The following FAF1 variants were observed in gnomAD, a reference collection of about 807,000 sequenced individuals.
FAF1 encodes the protein Fas associated factor 1.
FAF1 carries 25 observed loss-of-function variants against 92.5 expected under a neutral mutation model. The ratio of observed to expected loss-of-function variants is 0.27; its 90% CI spans 0.20 to 0.38. The LOEUF (loss-of-function observed/expected upper bound fraction) is 0.38, where lower values mean the gene tolerates loss of function less well. Among genes scored for constraint, FAF1 ranks in the 10% least tolerant of loss-of-function variants. FAF1 has a pLI of 1.00. For synonymous variants in FAF1, 234 were observed against 273.2 expected (o/e 0.86, Z 1.42); for missense variants, 636 against 793.3 (o/e 0.80, Z 2.38).
Position 50,491,196 on chromosome 1 carries a change from C to T in FAF1, c.1575+525G>A, listed in dbSNP as rs75228088. The stretch of plus-strand genomic sequence containing the variant: ...TGGAAAAAAATTTCCACTGAAACTC[C>T]TACTCACTGAACTCTCACAGAACTC... On this transcript the variant is annotated intron_variant, in intron 16 of 18. Coordinates refer to ENST00000396153, the MANE Select transcript of FAF1 (RefSeq NM_007051.3). 9.8e-3 allele frequency among the ~76,000 whole-genome samples: 1,495 copies of T among 152,304 alleles called. 24 individuals are homozygous for T. The highest frequency in any genetic ancestry group is 0.034 in the African/African-American group (1,418 of 41,552).
intron 2 of FAF1, among the ~76,000 whole-genome samples, chr1:50,811,250 G>C (rs1208684527): frequency 6.6e-6 from 1 of 152,072 alleles, no homozygotes; most frequent in African/African-American, 2.4e-5. Flanking sequence ...GACATGGGAA[G>C]ATCACTTGGG....
intron 1 of FAF1, among the ~76,000 whole-genome samples, chr1:50,943,605 G>C (rs1645151053): frequency 6.6e-6 from 1 of 152,170 alleles, no homozygotes; most frequent in Non-Finnish European, 1.5e-5. Flanking sequence ...GCACTGCCTA[G>C]TCTAATTGAA....
rs568128913 is a variant in FAF1, at chr1:50,787,548, C to G, written c.367+452G>C. On this transcript the variant is annotated intron_variant, in intron 4 of 18. Coordinates refer to ENST00000396153, the MANE Select transcript of FAF1 (RefSeq NM_007051.3). ...TCACCAGACATCAAACCTTCTAAGC[C>G]TTAATCTTAGACTTCTTAGCCTCCA... 3.3e-5 allele frequency among the ~76,000 whole-genome samples: 5 copies of G among 152,236 alleles called. No individual in the cohort carries two copies. The South Asian group carries it at 1.0e-3, about 32-fold the overall frequency.
At chr1:50,729,984 G>A (rs1569849773) in intron 6 of FAF1, among the ~76,000 whole-genome samples, 1 of 152,172 alleles carries the variant, frequency 6.6e-6, no homozygotes, top group South Asian at 2.1e-4. Context: ...TTGAGCCATT[G>A]CACTCCAGCC....
At chr1:50,853,413 A>T (rs1644366460) in intron 2 of FAF1, among the ~76,000 whole-genome samples, 1 of 152,142 alleles carries the variant, frequency 6.6e-6, no homozygotes, top group South Asian at 2.1e-4. Flanking sequence ...AGGACTAAAA[A>T]TTCCATGACA....
intron 13 of FAF1, 81 bp from the exon 14 acceptor site, chr1:50,539,809 G>A (rs968120010): frequency 2.0e-6 from 2 of 979,576 alleles, no homozygotes; most frequent in African/African-American, 3.3e-5. Flanking sequence ...AACTCATTGT[G>A]TTATTAGTTA....
At chr1:50,906,675 CTGTT>C (rs1188444896) in intron 1 of FAF1, among the ~76,000 whole-genome samples, 5 of 152,150 alleles carry the variant, frequency 3.3e-5, no homozygotes, top group Admixed American at 6.5e-5. Context: ...ATTCGGCTCT[CTGTT>C]TGTCTGTTAT....
Position 50,619,909 on chromosome 1 carries a change from C to CT in FAF1, c.745-23694dup, listed in dbSNP as rs869279028. Among the ~76,000 whole-genome samples, 1,090 of 140,254 alleles carry CT rather than the reference C, an allele frequency of 7.8e-3. 8 individuals are homozygous for CT. The highest frequency in any genetic ancestry group is 9.7e-3 in the African/African-American group (370 of 38,118). 92.0% of individuals were successfully genotyped at this position (140,254 alleles called of 152,430 possible). A position where few individuals can be genotyped will look rare whatever the true frequency, so the allele number is the denominator to read the frequency against. ...AATAGTAGATTTGGTCTCTCTCTCT[C>CT]TTTTTTTTTTTTTTTTTGAGACAGA... On this transcript the variant is annotated intron_variant, in intron 8 of 18. Transcript: ENST00000396153.
At chr1:50,575,074 A>C (rs756689042) in intron 12 of FAF1, among the ~76,000 whole-genome samples, 56 of 151,750 alleles carry the variant, frequency 3.7e-4, no homozygotes, top group Non-Finnish European at 7.5e-4. Flanking sequence ...ACGCCCGGCT[A>C]ATTTTTTGTA....
intron 2 of FAF1, among the ~76,000 whole-genome samples, chr1:50,834,649 A>G (rs1200668989): frequency 1.3e-5 from 2 of 152,210 alleles, no homozygotes; most frequent in African/African-American, 2.4e-5. Flanking sequence ...GCAAATAAAT[A>G]TAAAAGTCAC....
chr1:50,819,766 TATATATATATACATATATATAC>T (rs1644023721), intron 2 of FAF1, among the ~76,000 whole-genome samples: 4 of 59,720 alleles, frequency 6.7e-5, no homozygotes, highest in South Asian at 4.9e-4. Flanking sequence ...TATATATACG[TATATATATATACATATATATAC>T]ATATATATAT....
chr1:50,672,031 T>A (rs114725961), intron 7 of FAF1, among the ~76,000 whole-genome samples: 4,892 of 149,598 alleles, frequency 0.033, 136 homozygotes, highest in Non-Finnish European at 0.046. Context: ...TTTTTTTTTT[T>A]TTATTATTTA....
chr1:50,930,339 T>C (rs921617755), intron 1 of FAF1, among the ~76,000 whole-genome samples: 2 of 152,076 alleles, frequency 1.3e-5, no homozygotes, highest in African/African-American at 4.8e-5. Flanking sequence ...AAGTTTAGGG[T>C]ACAGTACTAT....
intron 7 of FAF1, among the ~76,000 whole-genome samples, chr1:50,680,558 C>G (rs533243915): frequency 6.6e-6 from 1 of 151,978 alleles, no homozygotes; most frequent in African/African-American, 2.4e-5. Context: ...TGGTGGGTGT[C>G]TGTAATCCCA....
intron 1 of FAF1, among the ~76,000 whole-genome samples, chr1:50,895,267 C>T (rs1644749729): frequency 6.6e-6 from 1 of 152,044 alleles, no homozygotes; most frequent in Non-Finnish European, 1.5e-5. Flanking sequence ...AAACTTAGAC[C>T]AAATGTGGCA....
intron 1 of FAF1, among the ~76,000 whole-genome samples, chr1:50,885,925 C>T (rs1302760251): frequency 6.6e-6 from 1 of 152,126 alleles, no homozygotes; most frequent in Non-Finnish European, 1.5e-5. Context: ...AAGCGGATAA[C>T]AACTTGAAAC....
chr1:50,457,724 C>CAAAAAAAAAAAAAAAA (rs35479561), intron 18 of FAF1, among the ~76,000 whole-genome samples: 19 of 56,560 alleles, frequency 3.4e-4, no homozygotes, highest in African/African-American at 8.6e-4. Context: ...CCCATCTCTG[C>CAAAAAAAAAAAAAAAA]AAAAAAAAAA....
intron 15 of FAF1, among the ~76,000 whole-genome samples, chr1:50,533,133 C>T (rs1648269317): frequency 6.6e-6 from 1 of 151,870 alleles, no homozygotes; most frequent in Non-Finnish European, 1.5e-5. Flanking sequence ...TTACAGGGTC[C>T]CACGTTGTTG....
chr1:50,734,448 A>AT, intron 6 of FAF1, among the ~76,000 whole-genome samples: 1 of 152,240 alleles, frequency 6.6e-6, no homozygotes, highest in Admixed American at 6.5e-5. Flanking sequence ...CGAAAAACAC[A>AT]TGTAGGCCGG....
Sources: gnomAD v4.1 joint callset for allele counts (sites outside exome capture counted in the v4.1 genomes callset) on GRCh38, gnomAD v4.1.1 for gene constraint, MANE v1.5 for transcripts, NCBI Gene and HGNC (gene_info 2026-07-23, HGNC 2026-07-21) for gene names.